NPAS3: variants seen among roughly 807,000 people sequenced by gnomAD.
NPAS3 encodes the protein neuronal PAS domain-containing protein 3.
Under a neutral mutation model 73.1 loss-of-function variants are expected in NPAS3, and 14 were observed. The observed-to-expected ratio is 0.19, with a 90% confidence interval of 0.13 to 0.30. The LOEUF (loss-of-function observed/expected upper bound fraction) is 0.30. Ranked by LOEUF, NPAS3 falls within the 10% of genes least tolerant of loss-of-function variation. The probability of loss-of-function intolerance (pLI) is 1.00; values close to 1 mark genes in which losing one functional copy is unlikely to be tolerated. For missense variants in NPAS3, 1,096 were observed against 1,250.0 expected (o/e 0.88, Z 1.86); for synonymous variants, 620 against 541.5 (o/e 1.14, Z -2.01).
At chr14:32,942,076 A>G (rs1360069872) in intron 1 of NPAS3, among the ~76,000 whole-genome samples, 1 of 152,202 alleles carries the variant, frequency 6.6e-6, no homozygotes, top group Non-Finnish European at 1.5e-5. Context: ...TTGTTGGTTA[A>G]CAAGTATTTC....
intron 1 of NPAS3, among the ~76,000 whole-genome samples, chr14:32,955,607 C>T (rs765413655): frequency 5.5e-4 from 83 of 152,108 alleles, no homozygotes; most frequent in Admixed American, 1.2e-3. Flanking sequence ...TCTTCTGTAC[C>T]TGTCTTTTTA....
chr14:33,713,033 C>A (rs143812671), intron 6 of NPAS3, among the ~76,000 whole-genome samples: 2 of 152,150 alleles, frequency 1.3e-5, no homozygotes, highest in Non-Finnish European at 2.9e-5. Context: ...CCAGAGTCAA[C>A]CCTTCTGAAA....
At chr14:33,169,829 T>C (rs548556807) in intron 2 of NPAS3, among the ~76,000 whole-genome samples, 3 of 152,274 alleles carry the variant, frequency 2.0e-5, no homozygotes, top group East Asian at 3.9e-4. Flanking sequence ...GAAAATAGTA[T>C]TGAATTGAAA....
intron 7 of NPAS3, among the ~76,000 whole-genome samples, chr14:33,738,015 C>T (rs1198768920): frequency 6.6e-6 from 1 of 152,180 alleles, no homozygotes; most frequent in Non-Finnish European, 1.5e-5. Flanking sequence ...TTCTCCATCA[C>T]TTTATCTGTT....
intron 9 of NPAS3, among the ~76,000 whole-genome samples, chr14:33,779,749 G>A (rs560041924): frequency 8.5e-5 from 13 of 152,256 alleles, no homozygotes; most frequent in South Asian, 4.2e-4. Context: ...GTTTATGTAA[G>A]TGCACTCTGT....
At chr14:33,150,071 A>G (rs1350745081) in intron 2 of NPAS3, among the ~76,000 whole-genome samples, 1 of 152,162 alleles carries the variant, frequency 6.6e-6, no homozygotes, top group Non-Finnish European at 1.5e-5. Flanking sequence ...TTTGCTGAGA[A>G]TGATGGTTTC....
intron 3 of NPAS3, among the ~76,000 whole-genome samples, chr14:33,333,871 A>C (rs565525565): frequency 7.2e-5 from 11 of 152,296 alleles, no homozygotes; most frequent in African/African-American, 2.6e-4. Context: ...AAAAGTCATA[A>C]GTAAAGGAGT....
At chr14:33,140,068 T>C (rs1402075375) in intron 2 of NPAS3, among the ~76,000 whole-genome samples, 1 of 152,180 alleles carries the variant, frequency 6.6e-6, no homozygotes, top group Non-Finnish European at 1.5e-5. Context: ...ATTCTGAATA[T>C]ATATTAAAAC....
intron 5 of NPAS3, among the ~76,000 whole-genome samples, chr14:33,626,508 A>T (rs1439172375): frequency 1.3e-5 from 2 of 152,198 alleles, no homozygotes; most frequent in Admixed American, 6.5e-5. Context: ...CCCCAGGGTG[A>T]TTATGAAACG....
At chr14:33,446,441 C>G (rs541678403) in intron 4 of NPAS3, among the ~76,000 whole-genome samples, 2 of 152,108 alleles carry the variant, frequency 1.3e-5, no homozygotes, top group Non-Finnish European at 2.9e-5. Flanking sequence ...TCCCAAAGTG[C>G]TGGGATTACA....
chr14:33,638,009 C>G (rs573746760), intron 5 of NPAS3, among the ~76,000 whole-genome samples: 1 of 152,126 alleles, frequency 6.6e-6, no homozygotes, highest in East Asian at 1.9e-4. Context: ...GTAGGGTTAG[C>G]GGATTATTTG....
intron 3 of NPAS3, among the ~76,000 whole-genome samples, chr14:33,263,710 G>GT (rs1432775793): frequency 6.6e-6 from 1 of 152,072 alleles, no homozygotes; most frequent in Non-Finnish European, 1.5e-5. Context: ...ATTATCTTGG[G>GT]TAGTATGGCC....
At chr14:33,663,701 A>C (rs2059374917) in intron 5 of NPAS3, among the ~76,000 whole-genome samples, 1 of 152,010 alleles carries the variant, frequency 6.6e-6, no homozygotes, top group African/African-American at 2.4e-5. Flanking sequence ...GTAGGCTATT[A>C]ATTACTGCCT....
intron 7 of NPAS3, among the ~76,000 whole-genome samples, chr14:33,739,336 T>C (rs1337835161): frequency 1.3e-5 from 2 of 152,204 alleles, no homozygotes; most frequent in Non-Finnish European, 2.9e-5. Flanking sequence ...ACTAAATGAC[T>C]TCTGAAATCC....
intron 2 of NPAS3, among the ~76,000 whole-genome samples, chr14:33,197,268 T>TGTGTGTG (rs1555353808): frequency 4.1e-5 from 4 of 97,924 alleles, no homozygotes; most frequent in Non-Finnish European, 9.1e-5. Context: ...TGTGTGTGTG[T>TGTGTGTG]TCTTTTTCAA....
chr14:33,396,710 T>G (rs557637006), intron 4 of NPAS3, among the ~76,000 whole-genome samples: 2 of 152,280 alleles, frequency 1.3e-5, no homozygotes, highest in African/African-American at 4.8e-5. Context: ...TTTATGTTGC[T>G]TAGGATACAG....
chr14:33,695,330 T>C (rs1323715752), intron 6 of NPAS3, among the ~76,000 whole-genome samples: 1 of 152,230 alleles, frequency 6.6e-6, no homozygotes, highest in Non-Finnish European at 1.5e-5. Flanking sequence ...TTCCTAGTTG[T>C]AGCATTGTTG....
chr14:33,580,416 G>A (rs1286125972), intron 5 of NPAS3, among the ~76,000 whole-genome samples: 2 of 152,292 alleles, frequency 1.3e-5, no homozygotes, highest in African/African-American at 4.8e-5. Context: ...GGCCAATAAA[G>A]GGAGAGGGAA....
chr14:33,453,727 G>A (rs955749195), intron 4 of NPAS3, among the ~76,000 whole-genome samples: 2 of 152,180 alleles, frequency 1.3e-5, no homozygotes, highest in Non-Finnish European at 2.9e-5. Context: ...CTTTTGCATT[G>A]TTGACCTATT....
Sources: gnomAD v4.1 joint callset for allele counts (sites outside exome capture counted in the v4.1 genomes callset) on GRCh38, gnomAD v4.1.1 for gene constraint, MANE v1.5 for transcripts, NCBI Gene and HGNC (gene_info 2026-07-23, HGNC 2026-07-21) for gene names.